Variants in GRIK2 observed in about 807,000 individuals in gnomAD.
GRIK2 encodes the protein glutamate receptor ionotropic, kainate 2.
A neutral mutation model predicts 100.3 loss-of-function variants in GRIK2; 32 were observed. The ratio of observed to expected loss-of-function variants is 0.32; its 90% CI spans 0.24 to 0.43. The LOEUF (loss-of-function observed/expected upper bound fraction) is 0.43. Ranked by LOEUF, GRIK2 falls within the 20% of genes least tolerant of loss-of-function variation. The pLI is 1.00. For synonymous variants in GRIK2, 417 were observed against 389.4 expected (o/e 1.07, Z -0.83); for missense variants, 843 against 1,114.9 (o/e 0.76, Z 3.47).
At chr6:101,748,037 T>G (rs1184046939) in intron 7 of GRIK2, among the ~76,000 whole-genome samples, 1 of 152,178 alleles carries the variant, frequency 6.6e-6, no homozygotes, top group Non-Finnish European at 1.5e-5. Flanking sequence ...CTGAAAATGT[T>G]CATATTTTAG....
intron 10 of GRIK2, among the ~76,000 whole-genome samples, chr6:101,822,640 A>G (rs1219913193): frequency 1.3e-5 from 2 of 152,196 alleles, no homozygotes; most frequent in Non-Finnish European, 2.9e-5. Context: ...TCCCAGACAT[A>G]GTTTGAAACA....
chr6:101,597,248 A>G (rs114877543), intron 2 of GRIK2, among the ~76,000 whole-genome samples: 2,279 of 151,624 alleles, frequency 0.015, 62 homozygotes, highest in African/African-American at 0.052. Flanking sequence ...AGGGAGGGGA[A>G]GAAAGGTTGA....
At chr6:101,779,268 A>C (rs1455702658) in intron 7 of GRIK2, among the ~76,000 whole-genome samples, 1 of 152,172 alleles carries the variant, frequency 6.6e-6, no homozygotes, top group Non-Finnish European at 1.5e-5. Flanking sequence ...CAGCCATAGA[A>C]ATTAGCATTT....
At chr6:101,886,770 C>G (rs1786651106) in intron 11 of GRIK2, among the ~76,000 whole-genome samples, 1 of 151,376 alleles carries the variant, frequency 6.6e-6, no homozygotes, top group Non-Finnish European at 1.5e-5. Flanking sequence ...ACCTTTCCCG[C>G]TACCCCTATA....
chr6:101,855,959 G>C (rs1300828003), intron 10 of GRIK2, among the ~76,000 whole-genome samples: 1 of 152,108 alleles, frequency 6.6e-6, no homozygotes, highest in Non-Finnish European at 1.5e-5. Context: ...TTTGAGGGGA[G>C]AATTTGCAGG....
intron 14 of GRIK2, among the ~76,000 whole-genome samples, chr6:102,014,746 G>A (rs556373504): frequency 6.6e-6 from 1 of 152,232 alleles, no homozygotes; most frequent in South Asian, 2.1e-4. Flanking sequence ...GTATGGTTTT[G>A]AGCAATTTTC....
intron 2 of GRIK2, among the ~76,000 whole-genome samples, chr6:101,539,536 T>C (rs1775883925): frequency 6.6e-6 from 1 of 151,826 alleles, no homozygotes; most frequent in African/African-American, 2.4e-5. Flanking sequence ...GTTTGGATAT[T>C]TGCAATAAAG....
chr6:101,836,809 A>T (rs990907562), intron 10 of GRIK2, among the ~76,000 whole-genome samples: 1 of 150,614 alleles, frequency 6.6e-6, no homozygotes, highest in Non-Finnish European at 1.5e-5. Context: ...GGGACTACAA[A>T]TGCACGCCAC....
At chr6:101,997,751 A>T (rs1794725967) in intron 14 of GRIK2, among the ~76,000 whole-genome samples, 1 of 151,564 alleles carries the variant, frequency 6.6e-6, no homozygotes. Flanking sequence ...CATTCTATTG[A>T]TTTTTTTTCT....
intron 7 of GRIK2, among the ~76,000 whole-genome samples, chr6:101,687,279 T>G (rs529038237): frequency 8.0e-4 from 122 of 152,086 alleles, no homozygotes; most frequent in South Asian, 1.9e-3. Flanking sequence ...TTGAAAATTA[T>G]AAATGCCTGA....
At position 101,946,828 on chromosome 6, in the gene GRIK2, A is replaced by G. The variant is rs1397297743; in HGVS notation, c.2085+18196A>G. Reference sequence around the variant, plus strand: ...TATTTTTGCTAGTTGGTCCTACCCAATGGAAAACAAACTTTTTGATATCTT... The same window carrying G: ...TATTTTTGCTAGTTGGTCCTACCCAGTGGAAAACAAACTTTTTGATATCTT... On this transcript the variant is annotated intron_variant, in intron 14 of 16. Transcript: ENST00000369134. 3.9e-5 allele frequency among the ~76,000 whole-genome samples: 6 copies of G among 152,158 alleles called. No individual in the cohort carries two copies. The South Asian group carries it at 8.3e-4, about 21-fold the overall frequency.
At position 101,422,457 on chromosome 6, in the gene GRIK2, C is replaced by T. The variant is rs146179808; in HGVS notation, c.115+23065C>T. Among the ~76,000 whole-genome samples, 564 of 152,164 alleles carry T rather than the reference C, an allele frequency of 3.7e-3. 4 individuals carry two copies. The highest frequency in any genetic ancestry group is 0.013 in the African/African-American group (540 of 41,532). On this transcript the variant is annotated intron_variant, in intron 2 of 16. Coordinates refer to ENST00000369134, the MANE Select transcript of GRIK2 (RefSeq NM_021956.5). ...ACATTACAGCACTTAACAAAGGCTG[C>T]GGCCAGAGTCTCCTCCTTGGGGAAG...
intron 2 of GRIK2, among the ~76,000 whole-genome samples, chr6:101,545,107 A>G (rs1255375914): frequency 4.6e-5 from 7 of 152,278 alleles, no homozygotes; most frequent in African/African-American, 1.7e-4. Flanking sequence ...TGAACATTTA[A>G]GGACACCTCC....
chr6:101,733,708 C>CTTTTTTTTTTTTTTTTTTTTTTT (rs34438783), intron 7 of GRIK2, among the ~76,000 whole-genome samples: 7 of 83,936 alleles, frequency 8.3e-5, no homozygotes, highest in Non-Finnish European at 1.2e-4. Context: ...ATTCCTCTTT[C>CTTTTTTTTTTTTTTTTTTTTTTT]TTTTTTTTTT....
intron 10 of GRIK2, among the ~76,000 whole-genome samples, chr6:101,857,539 G>A (rs941416142): frequency 1.3e-5 from 2 of 152,168 alleles, no homozygotes; most frequent in African/African-American, 4.8e-5. Context: ...AGCTCTCATG[G>A]GATGACTGTT....
At chr6:101,459,685 G>A (rs1465513088) in intron 2 of GRIK2, among the ~76,000 whole-genome samples, 3 of 152,034 alleles carry the variant, frequency 2.0e-5, no homozygotes, top group Admixed American at 6.6e-5. Flanking sequence ...GCTAACGAAT[G>A]AGTACCGAAA....
chr6:101,839,046 TTTTGTTTG>T (rs906529969), intron 10 of GRIK2, among the ~76,000 whole-genome samples: 4 of 151,990 alleles, frequency 2.6e-5, no homozygotes, highest in East Asian at 3.9e-4. Flanking sequence ...CCTGCACCAG[TTTTGTTTG>T]TTTGTTTGTT....
chr6:101,720,138 C>G (rs1292590957), intron 7 of GRIK2, among the ~76,000 whole-genome samples: 2 of 151,494 alleles, frequency 1.3e-5, no homozygotes, highest in African/African-American at 4.8e-5. Flanking sequence ...GTCACTCATC[C>G]TCTAGGGAGC....
At chr6:101,610,627 G>A (rs1286008589) in intron 2 of GRIK2, among the ~76,000 whole-genome samples, 1 of 151,666 alleles carries the variant, frequency 6.6e-6, no homozygotes, top group Non-Finnish European at 1.5e-5. Flanking sequence ...AGTTCTTAAG[G>A]CAGTTTTAGA....
Sources: allele counts gnomAD v4.1 joint callset (sites outside exome capture counted in the v4.1 genomes callset), GRCh38; gene constraint gnomAD v4.1.1; transcripts MANE v1.5; gene names NCBI Gene and HGNC (gene_info 2026-07-23, HGNC 2026-07-21).